The following CNTN6 variants were observed in gnomAD, a reference collection of about 807,000 sequenced individuals.
The protein encoded by CNTN6 is contactin 6.
Under a neutral mutation model 122.8 loss-of-function variants are expected in CNTN6, and 137 were observed. That is an observed-to-expected ratio of 1.12 (90% confidence interval 0.97 to 1.29). The LOEUF (loss-of-function observed/expected upper bound fraction) is 1.29. CNTN6 is among the 50% of genes most tolerant of loss of function. The pLI is 0.00. For synonymous variants in CNTN6, 570 were observed against 426.0 expected (o/e 1.34, Z -4.16); for missense variants, 1,634 against 1,223.4 (o/e 1.34, Z -5.01).
chr3:1,295,535 G>T (rs112368445), intron 5 of CNTN6, 66 bp from the exon 6 acceptor site: 10 of 1,377,932 alleles, frequency 7.3e-6, no homozygotes, highest in African/African-American at 7.2e-5. Flanking sequence ...AGAATTTTCA[G>T]ATATGAATGA....
At chr3:1,304,794 C>G (rs1318397764) in intron 7 of CNTN6, among the ~76,000 whole-genome samples, 2 of 151,760 alleles carry the variant, frequency 1.3e-5, no homozygotes, top group East Asian at 1.9e-4. Context: ...GAGTTCAAGA[C>G]CAGCCTGGCC....
At chr3:1,373,357 G>A (rs1365587918) in intron 14 of CNTN6, among the ~76,000 whole-genome samples, 1 of 152,012 alleles carries the variant, frequency 6.6e-6, no homozygotes, top group Non-Finnish European at 1.5e-5. Context: ...CTCAATCTTT[G>A]AGTATAGGTT....
chr3:1,244,133 G>C (rs974331854), intron 4 of CNTN6, among the ~76,000 whole-genome samples: 1 of 152,072 alleles, frequency 6.6e-6, no homozygotes, highest in African/African-American at 2.4e-5. Flanking sequence ...GGGGCCAAGC[G>C]GTGTTGCAGA....
intron 4 of CNTN6, among the ~76,000 whole-genome samples, chr3:1,272,448 G>C (rs960642823): frequency 6.6e-6 from 1 of 152,050 alleles, no homozygotes; most frequent in African/African-American, 2.4e-5. Flanking sequence ...ACATATAATG[G>C]CTATTCTCCA....
intron 4 of CNTN6, among the ~76,000 whole-genome samples, chr3:1,229,622 T>A (rs2094328795): frequency 6.6e-6 from 1 of 152,238 alleles, no homozygotes; most frequent in South Asian, 2.1e-4. Flanking sequence ...TATTATATCA[T>A]ACCTTCTTTC....
rs143724336 is a variant in CNTN6 at position 1,240,556 on chromosome 3, C to A, written c.358+12563C>A. Among the ~76,000 whole-genome samples the A allele has an allele frequency of 8.8e-3, 1,337 of 152,130 alleles. 15 individuals carry two copies. Among genetic ancestry groups the A allele is most frequent in the South Asian group, 0.033 (157 of 4,824 alleles). ...TGGCATGGATGTGGTGAAAAGGGAA[C>A]AGTTTTACACTGTTGGTGGGAATGT... On this transcript the variant is annotated intron_variant, in intron 4 of 22. Transcript: ENST00000446702.
chr3:1,262,792 A>G (rs1336758164), intron 4 of CNTN6, among the ~76,000 whole-genome samples: 1 of 152,060 alleles, frequency 6.6e-6, no homozygotes. Flanking sequence ...TCATGTGTAA[A>G]ATATATGTAA....
At chr3:1,295,418 C>G (rs1052974024) in intron 5 of CNTN6, among the ~76,000 whole-genome samples, 183 bp from the exon 6 acceptor site, 2 of 152,240 alleles carry the variant, frequency 1.3e-5, no homozygotes, top group South Asian at 2.1e-4. Context: ...ATCGTCCAAT[C>G]TGAGCTATAT....
At chr3:1,251,701 A>G (rs2094672698) in intron 4 of CNTN6, among the ~76,000 whole-genome samples, 1 of 152,074 alleles carries the variant, frequency 6.6e-6, no homozygotes, top group South Asian at 2.1e-4. Context: ...AAGCTCAAAG[A>G]TGTTACTGTA....
chr3:1,389,532 A>G (rs1693764877), intron 20 of CNTN6, among the ~76,000 whole-genome samples: 1 of 152,146 alleles, frequency 6.6e-6, no homozygotes, highest in Non-Finnish European at 1.5e-5. Context: ...AGCTAACATC[A>G]TAATATGACA....
At chr3:1,332,529 A>AGGAAGGAG (rs1333164125) in intron 11 of CNTN6, among the ~76,000 whole-genome samples, 2 of 97,424 alleles carry the variant, frequency 2.1e-5, no homozygotes, top group African/African-American at 8.4e-5. Flanking sequence ...GAAGGAAGGA[A>AGGAAGGAG]GGAGGGAGGG....
Position 1,159,011 on chromosome 3 carries a change from C to A in CNTN6, c.55+10948C>A, listed in dbSNP as rs537344924. ...ACAAGGTCTTGCTAATTCTTAAACT[C>A]CTGGCCTCAAGTGATCCTTTTGCTT... On this transcript the variant is annotated intron_variant, in intron 2 of 22. Coordinates refer to ENST00000446702, the MANE Select transcript of CNTN6 (RefSeq NM_001289080.2). 2.3e-3 allele frequency among the ~76,000 whole-genome samples: 336 copies of A among 147,454 alleles called. 4 individuals are homozygous for A. The highest frequency in any genetic ancestry group is 7.9e-3 in the African/African-American group (313 of 39,484).
intron 4 of CNTN6, among the ~76,000 whole-genome samples, chr3:1,230,642 A>G (rs900243501): frequency 6.6e-6 from 1 of 152,186 alleles, no homozygotes; most frequent in Non-Finnish European, 1.5e-5. Context: ...GGCAGTTGCT[A>G]TCATTGCCCC....
At chr3:1,273,539 T>C (rs1691759062) in intron 4 of CNTN6, among the ~76,000 whole-genome samples, 1 of 152,228 alleles carries the variant, frequency 6.6e-6, no homozygotes, top group African/African-American at 2.4e-5. Context: ...GAAATACAGA[T>C]TGGATCTGTA....
At chr3:1,394,655 T>C (rs1490190569) in intron 20 of CNTN6, among the ~76,000 whole-genome samples, 1 of 152,212 alleles carries the variant, frequency 6.6e-6, no homozygotes, top group Non-Finnish European at 1.5e-5. Flanking sequence ...TCATTGTCCA[T>C]GAAACCTAAA....
chr3:1,241,179 A>G (rs1449011236), intron 4 of CNTN6, among the ~76,000 whole-genome samples: 1 of 152,094 alleles, frequency 6.6e-6, no homozygotes, highest in Non-Finnish European at 1.5e-5. Flanking sequence ...GGCCATCTGG[A>G]TGTATACGTG....
At chr3:1,281,999 C>G (rs1405685620) in intron 5 of CNTN6, among the ~76,000 whole-genome samples, 1 of 151,916 alleles carries the variant, frequency 6.6e-6, no homozygotes, top group Non-Finnish European at 1.5e-5. Flanking sequence ...CACACACACA[C>G]ACACACACAC....
chr3:1,125,268 G>C lies in CNTN6; in HGVS notation c.-82-22659G>C, dbSNP rs546736799. Among the ~76,000 whole-genome samples, 9 of 151,950 alleles carry C rather than the reference G, an allele frequency of 5.9e-5. No individual in the cohort carries two copies. In the East Asian group the frequency reaches 1.7e-3, roughly 29 times the overall value. ...TAAAAATTCTCAAATGTTTGATTCA[G>C]TATCTGTGCAGACTGAGACACAGAC... On this transcript the variant is annotated intron_variant, in intron 1 of 22. Coordinates refer to ENST00000446702, the MANE Select transcript of CNTN6 (RefSeq NM_001289080.2).
intron 12 of CNTN6, among the ~76,000 whole-genome samples, chr3:1,366,757 G>T (rs1708291598): frequency 6.6e-6 from 1 of 152,130 alleles, no homozygotes; most frequent in Admixed American, 6.6e-5. Context: ...CATCTGCACA[G>T]GATGAGGACA....
Sources: gnomAD v4.1 joint callset for allele counts (sites outside exome capture counted in the v4.1 genomes callset) on GRCh38, gnomAD v4.1.1 for gene constraint, MANE v1.5 for transcripts, NCBI Gene and HGNC (gene_info 2026-07-23, HGNC 2026-07-21) for gene names.